Variants in OLFML2B observed in about 807,000 individuals in gnomAD.
The protein encoded by OLFML2B is olfactomedin like 2B, also known as olfactomedin-like protein 2B.
A neutral mutation model predicts 74.9 loss-of-function variants in OLFML2B; 57 were observed. The observed-to-expected ratio is 0.76, with a 90% CI of 0.61 to 0.95. The LOEUF (loss-of-function observed/expected upper bound fraction) is 0.95, where lower values mean the gene tolerates loss of function less well. Ranked by LOEUF, OLFML2B falls within the 40% of genes least tolerant of loss-of-function variation. The pLI is 0.00. For synonymous variants in OLFML2B, 388 were observed against 405.8 expected (o/e 0.96, Z 0.53); for missense variants, 986 against 970.6 (o/e 1.02, Z -0.21).
At chr1:162,020,325 C>A (rs1322298769) in intron 1 of OLFML2B, 143 bp from the exon 2 acceptor site, 3 of 899,748 alleles carry the variant, frequency 3.3e-6, no homozygotes, top group Non-Finnish European at 5.0e-6. Flanking sequence ...CAATAGGTCA[C>A]TGAGATGCAG....
At chr1:161,992,212 G>A (rs1224367103) in intron 6 of OLFML2B, among the ~76,000 whole-genome samples, 1 of 152,164 alleles carries the variant, frequency 6.6e-6, no homozygotes, top group African/African-American at 2.4e-5. Flanking sequence ...TAAATCTCAC[G>A]AACCAGCCTC....
At position 162,000,331 on chromosome 1, in the gene OLFML2B, T is replaced by C. The variant is rs1690049692; in HGVS notation, c.731A>G (p.Glu244Gly). 1 of 1,611,844 alleles carries C rather than the reference T, an allele frequency of 6.2e-7. No homozygotes were observed. The highest frequency in any genetic ancestry group is 1.3e-5 in the African/African-American group (1 of 74,966). ...CACGGTTTCTTCCTGCAGAAACCGC[T>C]CTTCATACTGCTCCTCAGAGGGGAC... ...AAAYAHPEYE[E>G]RFLQEETVSQ... is the part of the protein sequence containing the mutation. The change falls in exon 5 of 8, where the codon GAG (glutamate) becomes GGG (glycine). Residue 244 changes from glutamate to glycine, a missense_variant. By Grantham distance (98) the Glu-to-Gly change is moderately conservative (BLOSUM62 -2). Coordinates refer to ENST00000294794, the MANE Select transcript of OLFML2B (RefSeq NM_015441.3).
At chr1:162,012,874 C>G (rs1007334678) in intron 3 of OLFML2B, among the ~76,000 whole-genome samples, 13 of 152,194 alleles carry the variant, frequency 8.5e-5, no homozygotes, top group African/African-American at 3.1e-4. Context: ...AGCCTTGATG[C>G]TAGAAGATTA....
chr1:161,997,253 G>A (rs982133296), intron 6 of OLFML2B, among the ~76,000 whole-genome samples: 3 of 152,146 alleles, frequency 2.0e-5, no homozygotes, highest in African/African-American at 7.2e-5. Flanking sequence ...TGGCAGCCAG[G>A]CCAAGCTAAT....
At chr1:162,000,761 G>A (rs574621084) in intron 4 of OLFML2B, among the ~76,000 whole-genome samples, 3 of 152,224 alleles carry the variant, frequency 2.0e-5, no homozygotes, top group African/African-American at 4.8e-5. Flanking sequence ...GTTGTTTTGG[G>A]TGAGATCCAT....
chr1:162,010,449 G>A (rs569901582), intron 3 of OLFML2B, among the ~76,000 whole-genome samples: 4 of 152,092 alleles, frequency 2.6e-5, no homozygotes, highest in Non-Finnish European at 4.4e-5. Flanking sequence ...AAGGGGAACC[G>A]GATGCAGGTG....
At position 161,989,124 on chromosome 1, in the gene OLFML2B, T is replaced by C. The variant is rs375733178; in HGVS notation, c.1475-4144A>G. ...CGCCAGTTTGTCTCTCTGGCTCATCTCTGCCCACTTCTAACTTATCCTCCC... is the reference window on the plus strand; with the variant it reads ...CGCCAGTTTGTCTCTCTGGCTCATCCCTGCCCACTTCTAACTTATCCTCCC... On this transcript the variant is annotated intron_variant, in intron 6 of 7. Transcript: ENST00000294794. Among the ~76,000 whole-genome samples the C allele has an allele frequency of 1.2e-4, 19 of 152,334 alleles. 1 individual carries two copies. The highest frequency in any genetic ancestry group is 4.3e-4 in the African/African-American group (18 of 41,578).
Position 161,998,312 on chromosome 1 carries a change from C to A in OLFML2B, c.987G>T (p.Leu329Phe), listed in dbSNP as rs1223855137. 1 of 1,579,754 alleles carries A rather than the reference C, an allele frequency of 6.3e-7. No individual in the cohort carries two copies. The highest frequency in any genetic ancestry group is 1.1e-5 in the South Asian group (1 of 87,918). Residue 329 changes from leucine (L) to phenylalanine (F), a missense_variant, in exon 6 of 8, where the codon TTG becomes TTT. By Grantham distance (22) the Leu-to-Phe change is conservative. Transcript: ENST00000294794. ...EFFSGDNGVDLLIEDQLLRHN... is the reference protein window; with the variant it reads ...EFFSGDNGVDFLIEDQLLRHN... ...GTCTCAGGAGCTGATCTTCAATCAGCAAATCCACTCCATTGTCACCGCTGA... is the reference window on the plus strand; with the variant it reads ...GTCTCAGGAGCTGATCTTCAATCAGAAAATCCACTCCATTGTCACCGCTGA...
Position 162,020,315 on chromosome 1 carries a change from C to T in OLFML2B, c.175-133G>A, listed in dbSNP as rs947346846. 3.1e-6 allele frequency: 3 copies of T among 982,888 alleles called. No individual in the cohort carries two copies. The African/African-American group carries it at 4.9e-5, about 16-fold the overall frequency. 60.9% of individuals were successfully genotyped at this position (982,888 alleles called of 1,614,324 possible). ...CTCAGAAAACTCTGAACCACAGAGC[C>T]AATAGGTCACTGAGATGCAGTTTGC... On this transcript the variant is annotated intron_variant, in intron 1 of 7. Transcript: ENST00000294794.
intron 3 of OLFML2B, among the ~76,000 whole-genome samples, chr1:162,010,834 A>G (rs2101972683): frequency 6.6e-6 from 1 of 152,210 alleles, no homozygotes; most frequent in African/African-American, 2.4e-5. Flanking sequence ...GCAAGGGATG[A>G]AACCTCTCTA....
At chr1:161,993,442 G>A (rs1224520182) in intron 6 of OLFML2B, among the ~76,000 whole-genome samples, 1 of 152,164 alleles carries the variant, frequency 6.6e-6, no homozygotes, top group Non-Finnish European at 1.5e-5. Context: ...TGCAACTCCA[G>A]GGCAGGGCCC....
chr1:162,017,849 T>C (rs1350795141), intron 2 of OLFML2B, among the ~76,000 whole-genome samples: 1 of 152,188 alleles, frequency 6.6e-6, no homozygotes, highest in Admixed American at 6.5e-5. Context: ...TCCTTGAAAG[T>C]AGTGTCTCAA....
Position 162,020,142 on chromosome 1 carries a change from C to A in OLFML2B, c.215G>T (p.Gly72Val), listed in dbSNP as rs769727879. 3 of 1,614,190 alleles carry A rather than the reference C, an allele frequency of 1.9e-6. No individual in the cohort carries two copies. The highest frequency in any genetic ancestry group is 2.5e-6 in the Non-Finnish European group (3 of 1,180,032). Reference sequence around the variant, plus strand: ...CACACACTTGCACTGACAGTCCGAGCCCTCAGACATAGCCTTGACCTTGTC... The same window carrying A: ...CACACACTTGCACTGACAGTCCGAGACCTCAGACATAGCCTTGACCTTGTC... ...DYDKVKAMSE[G>V]SDCQCKCVVR... is the part of the protein sequence containing the mutation. The change falls in exon 2 of 8, where the codon GGC (glycine) becomes GTC (valine). Residue 72 changes from glycine to valine, a missense_variant. Coordinates refer to ENST00000294794, the MANE Select transcript of OLFML2B (RefSeq NM_015441.3).
Position 162,000,193 on chromosome 1 carries a change from G to A in OLFML2B, c.869C>T (p.Ala290Val). 1 of 1,613,700 alleles carries A rather than the reference G, an allele frequency of 6.2e-7. No individual in the cohort carries two copies. The highest frequency in any genetic ancestry group is 8.5e-7 in the Non-Finnish European group (1 of 1,179,816). ...GCCCCGGATGACAGTGGGCTGGGAG[G>A]CCGGCCGGCCTCTCAGGTGGACCTG... ...QRQVHLRGRP[A>V]SQPTVIRGIT... Residue 290 changes from alanine (A) to valine (V), a missense_variant, in exon 5 of 8, where the codon GCC (alanine) becomes GTC (valine). Physicochemically the swap from Ala to Val is moderately conservative, Grantham distance 64. Coordinates refer to ENST00000294794, the MANE Select transcript of OLFML2B (RefSeq NM_015441.3).
At chr1:162,002,590 C>A (rs915697176) in intron 4 of OLFML2B, among the ~76,000 whole-genome samples, 94 of 152,356 alleles carry the variant, frequency 6.2e-4, no homozygotes, top group African/African-American at 2.2e-3. Flanking sequence ...CTCATTACCC[C>A]CAAGGACACC....
Position 161,992,683 on chromosome 1 carries a change from T to G in OLFML2B, c.1474+5142A>C, listed in dbSNP as rs189344179. Among the ~76,000 whole-genome samples the G allele has an allele frequency of 5.3e-5, 8 of 151,982 alleles. No individual in the cohort carries two copies. In the East Asian group the frequency reaches 1.5e-3, roughly 29 times the overall value. On this transcript the variant is annotated intron_variant, in intron 6 of 7. Transcript: ENST00000294794. ...TCACAGAACAGGGAGGCCCAAGGAG[T>G]GGGAGAGAGACCAGGGAATGCCAGT...
chr1:161,986,758 A>AG (rs1489011085), intron 6 of OLFML2B, among the ~76,000 whole-genome samples: 3 of 152,168 alleles, frequency 2.0e-5, no homozygotes, highest in African/African-American at 7.2e-5. Flanking sequence ...GGTGAGCCCT[A>AG]GCTCACCATG....
At chr1:162,002,158 A>C (rs942297413) in intron 4 of OLFML2B, among the ~76,000 whole-genome samples, 1 of 152,242 alleles carries the variant, frequency 6.6e-6, no homozygotes, top group African/African-American at 2.4e-5. Context: ...GCTCAAAGTC[A>C]GGGCCACCCC....
chr1:161,988,408 G>T lies in OLFML2B; in HGVS notation c.1475-3428C>A, dbSNP rs561715263. Among the ~76,000 whole-genome samples the T allele has an allele frequency of 7.9e-5, 12 of 152,244 alleles. No individual in the cohort carries two copies. In the East Asian group the frequency reaches 2.1e-3, roughly 27 times the overall value. On this transcript the variant is annotated intron_variant, in intron 6 of 7. Coordinates refer to ENST00000294794, the MANE Select transcript of OLFML2B (RefSeq NM_015441.3). ...CAAGCTTCCCCAGTAGGGTCCTTGGGCGTCTGCTCCCCAACTAACCTCGTC... is the reference window on the plus strand; with the variant it reads ...CAAGCTTCCCCAGTAGGGTCCTTGGTCGTCTGCTCCCCAACTAACCTCGTC...
Sources: allele counts gnomAD v4.1 joint callset (sites outside exome capture counted in the v4.1 genomes callset), GRCh38; gene constraint gnomAD v4.1.1; transcripts MANE v1.5; gene names NCBI Gene and HGNC (gene_info 2026-07-23, HGNC 2026-07-21).